The following CHST9 variants were observed in gnomAD, a reference collection of about 807,000 sequenced individuals.
The protein encoded by CHST9 is GalNAc-4-sulfotransferase 2.
A neutral mutation model predicts 44.4 loss-of-function variants in CHST9; 41 were observed. The observed-to-expected ratio is 0.92, with a 90% CI of 0.72 to 1.20. The LOEUF (loss-of-function observed/expected upper bound fraction) is 1.20. Ranked by LOEUF, CHST9 falls within the 50% of genes most tolerant of loss-of-function variation. The pLI is 0.00. For missense variants in CHST9, 504 were observed against 516.5 expected (o/e 0.98, Z 0.23); for synonymous variants, 171 against 178.4 (o/e 0.96, Z 0.33).
intron 2 of CHST9, among the ~76,000 whole-genome samples, chr18:27,075,373 GC>G (rs1246725767): frequency 6.6e-6 from 1 of 151,954 alleles, no homozygotes; most frequent in African/African-American, 2.4e-5. Context: ...AAAAAAGAAA[GC>G]CTTGTTTTCA....
At chr18:27,097,564 A>T (rs553259215) in intron 2 of CHST9, among the ~76,000 whole-genome samples, 1 of 152,090 alleles carries the variant, frequency 6.6e-6, no homozygotes, top group South Asian at 2.1e-4. Flanking sequence ...GTATAAAATC[A>T]ATATAAAAGT....
chr18:27,112,578 CGTGT>C (rs35249332), intron 2 of CHST9, among the ~76,000 whole-genome samples: 43,161 of 140,250 alleles, frequency 0.31, 6,579 homozygotes, highest in South Asian at 0.42. Context: ...GGATATTCAA[CGTGT>C]GTGTGTGTGT....
Position 27,081,399 on chromosome 18 carries a change from G to T in CHST9, c.122-32896C>A, listed in dbSNP as rs139721111. The stretch of plus-strand genomic sequence containing the variant: ...AAAGAATCAACATCAGACGAAGGCT[G>T]CAGCAGTTTTTCTCAGATGATGGTT... On this transcript the variant is annotated intron_variant, in intron 2 of 5. Coordinates refer to ENST00000618847, the MANE Select transcript of CHST9 (RefSeq NM_031422.6). Among the ~76,000 whole-genome samples the T allele has an allele frequency of 3.7e-3, 559 of 152,268 alleles. 2 individuals carry two copies. The highest frequency in any genetic ancestry group is 6.6e-3 in the Non-Finnish European group (451 of 68,018).
intron 4 of CHST9, among the ~76,000 whole-genome samples, chr18:26,969,360 T>TTCTC (rs139727723): frequency 1.6e-5 from 2 of 128,810 alleles, no homozygotes; most frequent in East Asian, 2.6e-4. Context: ...CCTTTTTTGA[T>TTCTC]TCTCTCTCTC....
intron 5 of CHST9, among the ~76,000 whole-genome samples, chr18:26,928,804 G>A (rs534331583): frequency 1.3e-5 from 2 of 152,264 alleles, no homozygotes; most frequent in South Asian, 4.2e-4. Flanking sequence ...TGCTCTACAG[G>A]CGGGCAGGGT....
intron 4 of CHST9, among the ~76,000 whole-genome samples, chr18:26,963,557 T>C (rs1225949351): frequency 1.3e-5 from 2 of 148,504 alleles, no homozygotes; most frequent in Admixed American, 6.7e-5. Context: ...TTCCAGCTTC[T>C]GTTTTTAAGG....
rs563223484 is a variant in CHST9, at chr18:27,169,798, G to T, written c.-97+15338C>A. On this transcript the variant is annotated intron_variant, in intron 1 of 5. Transcript: ENST00000618847. ...TTTTTTTTGTACTTTTAGTAGAGAC[G>T]GGATTTCACCGTGTTAGCCAGGATG... is the stretch of plus-strand genomic sequence containing the variant. Among the ~76,000 whole-genome samples the T allele has an allele frequency of 3.5e-4, 53 of 151,802 alleles. No individual in the cohort carries two copies. The South Asian group carries it at 7.5e-3, about 21-fold the overall frequency.
At position 26,914,708 on chromosome 18, in the gene CHST9, C is replaced by T. The variant is rs1598546454; in HGVS notation, c.*1551G>A. ...AGGAGCGAAGCAATTCATGAATACT[C>T]AGCCATGAAATAGAAAATCAAAATG... On this transcript the variant is annotated 3_prime_UTR_variant, in exon 6 of 6. Coordinates refer to ENST00000618847, the MANE Select transcript of CHST9 (RefSeq NM_031422.6). 2.6e-6 allele frequency: 1 copy of T among 381,616 alleles called. No homozygotes were observed. The highest frequency in any genetic ancestry group is 3.7e-5 in the East Asian group (1 of 27,038). 23.6% of individuals were successfully genotyped at this position (381,616 alleles called of 1,614,324 possible). A position where few individuals can be genotyped will look rare whatever the true frequency, so the allele number is the denominator to read the frequency against.
At chr18:26,973,289 T>C (rs915139065) in intron 4 of CHST9, among the ~76,000 whole-genome samples, 4 of 152,152 alleles carry the variant, frequency 2.6e-5, no homozygotes, top group African/African-American at 9.7e-5. Flanking sequence ...TCTTGTTCTG[T>C]GTGGAAATTC....
rs61746870 is a variant in CHST9, at chr18:27,008,876, C to A, written c.202+15240G>T. On this transcript the variant is annotated intron_variant, in intron 4 of 5. Transcript: ENST00000618847. The stretch of plus-strand genomic sequence containing the variant: ...GCCCTTCAATCTTGAGACAGGATTG[C>A]AGCAGGTTCTTGTTTTTTTGGTTCT... 9.1e-3 allele frequency among the ~76,000 whole-genome samples: 1,388 copies of A among 151,724 alleles called. 22 individuals are homozygous for A. Among genetic ancestry groups the A allele is most frequent in the African/African-American group, 0.032 (1,331 of 41,414 alleles).
At chr18:27,010,370 T>C (rs1382240896) in intron 4 of CHST9, among the ~76,000 whole-genome samples, 2 of 152,108 alleles carry the variant, frequency 1.3e-5, no homozygotes, top group African/African-American at 4.8e-5. Context: ...CTACTGTAAG[T>C]CATTGGCCAC....
At chr18:26,977,917 TAA>T (rs541239090) in intron 4 of CHST9, among the ~76,000 whole-genome samples, 2 of 148,060 alleles carry the variant, frequency 1.4e-5, no homozygotes, top group South Asian at 4.3e-4. Flanking sequence ...CTTAATAACT[TAA>T]AAAAAAAAAT....
At chr18:27,045,927 C>T (rs188204821) in intron 3 of CHST9, among the ~76,000 whole-genome samples, 19 of 152,090 alleles carry the variant, frequency 1.2e-4, no homozygotes, top group East Asian at 3.9e-4. Flanking sequence ...GAAACTCAGT[C>T]GAAACTAAAT....
At chr18:26,952,177 G>A (rs1385525253) in intron 4 of CHST9, 3 of 522,384 alleles carry the variant, frequency 5.7e-6, no homozygotes, top group African/African-American at 1.9e-5. Flanking sequence ...GAGGGCTAGG[G>A]ATGGACTTCA....
intron 4 of CHST9, chr18:26,952,540 CT>C: frequency 2.2e-6 from 1 of 448,714 alleles, no homozygotes; most frequent in Non-Finnish European, 4.3e-6. Flanking sequence ...CTGGGTGTAT[CT>C]TTTACCACCT....
At chr18:27,131,776 A>T (rs116295491) in intron 2 of CHST9, among the ~76,000 whole-genome samples, 4,100 of 152,296 alleles carry the variant, frequency 0.027, 167 homozygotes, top group African/African-American at 0.09. Flanking sequence ...AAGGGTGAAG[A>T]CACACCTGCA....
At chr18:26,969,954 C>T (rs535504599) in intron 4 of CHST9, among the ~76,000 whole-genome samples, 3 of 152,296 alleles carry the variant, frequency 2.0e-5, no homozygotes, top group South Asian at 2.1e-4. Flanking sequence ...ATTTCTTGGT[C>T]ATCCAGACCC....
intron 4 of CHST9, among the ~76,000 whole-genome samples, chr18:26,983,809 T>G (rs916872720): frequency 1.3e-5 from 2 of 152,210 alleles, no homozygotes; most frequent in African/African-American, 4.8e-5. Flanking sequence ...AAGAAATCAC[T>G]AAGTTTTATA....
intron 3 of CHST9, among the ~76,000 whole-genome samples, chr18:27,044,737 G>T (rs950843693): frequency 6.6e-6 from 1 of 151,844 alleles, no homozygotes; most frequent in Non-Finnish European, 1.5e-5. Flanking sequence ...ATAGCCTAGA[G>T]AAAAATCATG....
Sources: gnomAD v4.1 joint callset for allele counts (sites outside exome capture counted in the v4.1 genomes callset) on GRCh38, gnomAD v4.1.1 for gene constraint, MANE v1.5 for transcripts, NCBI Gene and HGNC (gene_info 2026-07-23, HGNC 2026-07-21) for gene names.